The following CD48 variants were observed in gnomAD, a reference collection of about 807,000 sequenced individuals.
CD48 encodes the protein CD48 antigen.
CD48 carries 20 observed loss-of-function variants against 22.0 expected under a neutral mutation model. That is an observed-to-expected ratio of 0.91 (90% CI 0.64 to 1.32). The LOEUF is 1.32. Among genes scored for constraint, CD48 ranks in the 40% most tolerant of loss-of-function variants. CD48 has a pLI of 0.00. For missense variants in CD48, 307 were observed against 286.5 expected, an observed-to-expected ratio of 1.07 and a Z score of -0.52; for synonymous variants, 110 against 110.1, an observed-to-expected ratio of 1.00 and a Z score of 0.01.
chr1:160,711,600 G>T (rs1325018171), intron 1 of CD48, 82 bp downstream of exon 1: 2 of 1,058,474 alleles, frequency 1.9e-6, no homozygotes, highest in East Asian at 2.4e-5. Flanking sequence ...GGCTTCTAGG[G>T]TTGAACTACA....
chr1:160,682,336 C>CT (rs1179715780), intron 2 of CD48, among the ~76,000 whole-genome samples: 1 of 149,276 alleles, frequency 6.7e-6, no homozygotes, highest in African/African-American at 2.5e-5. Flanking sequence ...TGGTGGTGTG[C>CT]ACTTTTAGTC....
At chr1:160,705,562 T>A (rs1045049284) in intron 1 of CD48, among the ~76,000 whole-genome samples, 1 of 152,222 alleles carries the variant, frequency 6.6e-6, no homozygotes, top group African/African-American at 2.4e-5. Flanking sequence ...TGCCTGGCGC[T>A]GTGCTAGACT....
At chr1:160,689,481 T>C (rs12397461) in intron 1 of CD48, among the ~76,000 whole-genome samples, 1 of 152,126 alleles carries the variant, frequency 6.6e-6, no homozygotes, top group Non-Finnish European at 1.5e-5. Flanking sequence ...CTAGTGTAAG[T>C]GAGATTGAGT....
chr1:160,684,448 T>A (rs1451050553), intron 2 of CD48: 1 of 315,034 alleles, frequency 3.2e-6, no homozygotes, highest in Non-Finnish European at 5.9e-6. Flanking sequence ...TGAGTGGAAG[T>A]TTTTTTGTCC....
intron 3 of CD48, chr1:160,680,474 TA>T: frequency 1.7e-6 from 1 of 582,284 alleles, no homozygotes; most frequent in Non-Finnish European, 2.2e-6. Context: ...TTGGGGAAGC[TA>T]AGTAACTTGT....
chr1:160,681,139 T>C (rs1164231426), intron 3 of CD48, 63 bp downstream of exon 3: 1 of 1,613,020 alleles, frequency 6.2e-7, no homozygotes, highest in Non-Finnish European at 8.5e-7. Flanking sequence ...CCCCCAGCCT[T>C]TCTTTGTTCA....
intron 1 of CD48, among the ~76,000 whole-genome samples, chr1:160,696,293 C>T (rs1662422555): frequency 6.6e-6 from 1 of 152,302 alleles, no homozygotes; most frequent in Admixed American, 6.5e-5. Context: ...GTACAGGCTA[C>T]AAGGGATGTT....
chr1:160,706,459 A>G (rs1239750364), intron 1 of CD48, among the ~76,000 whole-genome samples: 1 of 152,188 alleles, frequency 6.6e-6, no homozygotes, highest in Non-Finnish European at 1.5e-5. Flanking sequence ...CCCATGTGTA[A>G]CAATTCCAAA....
rs748335267 is a variant in CD48, at chr1:160,680,843, C to T, written c.652+359G>A. 597 of 1,306,678 alleles carry T rather than the reference C, an allele frequency of 4.6e-4. 1 individual carries two copies. The highest frequency in any genetic ancestry group is 8.0e-4 in the Admixed American group (25 of 31,106). The allele number at this position is 1,306,678 out of a possible 1,614,324, so 80.9% of individuals were successfully genotyped here. On this transcript the variant is annotated intron_variant, in intron 3 of 3. Transcript: ENST00000368046. Reference sequence around the variant, plus strand: ...AATGAAGCCCCTCTAGACAGCTGCTCGCCCACTTGCCCTTCCTTCTCCCTG... The same window carrying T: ...AATGAAGCCCCTCTAGACAGCTGCTTGCCCACTTGCCCTTCCTTCTCCCTG...
intron 2 of CD48, chr1:160,684,600 C>T: frequency 1.1e-6 from 1 of 910,558 alleles, no homozygotes; most frequent in East Asian, 2.7e-5. Context: ...AGGTTGATCA[C>T]AGGACAAAAT....
chr1:160,681,037 G>C, intron 3 of CD48, 165 bp downstream of exon 3: 1 of 1,483,384 alleles, frequency 6.7e-7, no homozygotes, highest in Non-Finnish European at 9.0e-7. Context: ...GCTGGGAGGT[G>C]GTGGTAGAGC....
At chr1:160,690,941 T>C (rs1189695645) in intron 1 of CD48, among the ~76,000 whole-genome samples, 1 of 152,186 alleles carries the variant, frequency 6.6e-6, no homozygotes, top group Non-Finnish European at 1.5e-5. Flanking sequence ...CTCTGAAACA[T>C]GTGCTGTGTC....
Position 160,684,916 on chromosome 1 carries a change from T to A in CD48, c.356A>T (p.Gln119Leu). The A allele has an allele frequency of 2.5e-6, 4 of 1,614,140 alleles. No homozygotes were observed. In the East Asian group the frequency reaches 8.9e-5, roughly 36 times the overall value. ...CACTTGCAGCTTGATCTTCCATTCTTGCTCATTCCCAGTCTTTTTCAACAC... is the reference window on the plus strand; with the variant it reads ...CACTTGCAGCTTGATCTTCCATTCTAGCTCATTCCCAGTCTTTTTCAACAC... ...MRVLKKTGNE[Q>L]EWKIKLQVLD... The change falls in exon 2 of 4, where the codon CAA becomes CTA. Residue 119 changes from glutamine to leucine, a missense_variant. Gln to Leu is a moderately radical substitution (Grantham distance 113). Coordinates refer to ENST00000368046, the MANE Select transcript of CD48 (RefSeq NM_001778.4).
At chr1:160,680,901 A>G in intron 3 of CD48, 2 of 1,414,460 alleles carry the variant, frequency 1.4e-6, no homozygotes, top group Non-Finnish European at 1.8e-6. Context: ...CTCTATGATG[A>G]CCCTGGCCTC....
Position 160,681,395 on chromosome 1 carries a change from T to C in CD48, c.459A>G (p.Ser153=). The C allele has an allele frequency of 6.2e-7, 1 of 1,614,196 alleles. No individual in the cohort carries two copies. Among genetic ancestry groups the C allele is most frequent in the Non-Finnish European group, 8.5e-7 (1 of 1,180,020 alleles). The change falls in exon 3 of 4, where the codon TCA becomes TCG. Residue 153 remains serine, a synonymous_variant. Transcript: ENST00000368046. ...DMDDNCYLKL[S]CVIPGESVNY... is the part of the protein sequence containing the mutation. ...TTACAGACTCGCCAGGTATCACACA[T>C]GACAGTTTCAGATAACAGTTGTCAT...
intron 3 of CD48, 64 bp downstream of exon 3, chr1:160,681,138 T>G (rs1661783037): frequency 1.2e-6 from 2 of 1,612,878 alleles, no homozygotes; most frequent in African/African-American, 2.7e-5. Context: ...ACCCCCAGCC[T>G]TTCTTTGTTC....
chr1:160,693,588 C>A (rs78210774), intron 1 of CD48, among the ~76,000 whole-genome samples: 22 of 144,200 alleles, frequency 1.5e-4, no homozygotes, highest in African/African-American at 5.6e-4. Flanking sequence ...CAGAATATAA[C>A]TATTCAAGCT....
intron 1 of CD48, among the ~76,000 whole-genome samples, chr1:160,696,089 G>A (rs945868592): frequency 5.9e-5 from 9 of 152,290 alleles, no homozygotes; most frequent in African/African-American, 4.8e-5. Flanking sequence ...ATTACCAGAT[G>A]TGAACCTTTA....
chr1:160,681,117 G>A (rs1341187057), intron 3 of CD48, 85 bp downstream of exon 3: 5 of 1,603,280 alleles, frequency 3.1e-6, no homozygotes, highest in East Asian at 2.2e-5. Context: ...TGTGCAAGGA[G>A]GCTGAATAGG....
Sources: gnomAD v4.1 joint callset for allele counts (sites outside exome capture counted in the v4.1 genomes callset) on GRCh38, gnomAD v4.1.1 for gene constraint, MANE v1.5 for transcripts, NCBI Gene and HGNC (gene_info 2026-07-23, HGNC 2026-07-21) for gene names.